ZNF513: variants seen among roughly 807,000 people sequenced by gnomAD.
ZNF513 encodes the protein zinc finger protein 513.
A neutral mutation model predicts 39.7 loss-of-function variants in ZNF513; 16 were observed. The observed-to-expected ratio is 0.40, with a 90% CI of 0.27 to 0.61. ZNF513 has a LOEUF of 0.61. Among genes scored for constraint, ZNF513 ranks in the 20% least tolerant of loss-of-function variants. The probability of loss-of-function intolerance (pLI) is 0.39; values close to 1 mark genes in which losing one functional copy is unlikely to be tolerated. For missense variants in ZNF513, 699 were observed against 743.6 expected, an observed-to-expected ratio of 0.94 and a Z score of 0.70; for synonymous variants, 348 against 296.5, an observed-to-expected ratio of 1.17 and a Z score of -1.79.
In ZNF513 at chr2:27,378,630, G is replaced by C. The variant is rs773365630; in HGVS notation, c.636C>G (p.Pro212=). ...GGTTGCCCAGGCTGCTGCAGGCAAA[G>C]GGGCAGTGGGGACAGCGGTAGGGCT... is the stretch of plus-strand genomic sequence containing the variant. The part of the protein sequence containing the change: ...GEKPYRCPHC[P]FACSSLGNLR... Residue 212 remains proline (P), a synonymous_variant, in exon 3 of 4, where the codon CCC becomes CCG. Coordinates refer to ENST00000323703, the MANE Select transcript of ZNF513 (RefSeq NM_144631.6). This position sits in a 1 kb window ranked among gnomAD's most constrained non-coding sequence, Gnocchi z 8.0. The C allele has an allele frequency of 1.2e-6, 2 of 1,613,870 alleles. No homozygotes were observed. The highest frequency in any genetic ancestry group is 1.7e-5 in the Admixed American group (1 of 60,016).
rs563171952 is a variant in ZNF513 at position 27,380,574 on chromosome 2, C to T, written c.-48G>A. On this transcript the variant is annotated 5_prime_UTR_variant, in exon 1 of 4. Transcript: ENST00000323703. ...CGCCTCCGGCCTGCGGCCGCCCGAC[C>T]CCGCCCCTCCTATCTCGGCCCGCCT... The T allele has an allele frequency of 6.5e-7, 1 of 1,538,744 alleles. No individual in the cohort carries two copies. Among genetic ancestry groups the T allele is most frequent in the Admixed American group, 2.0e-5 (1 of 51,004 alleles).
chr2:27,377,364 C>G lies in ZNF513; in HGVS notation c.*181G>C. The stretch of plus-strand genomic sequence containing the variant: ...GGAGGTGAATACAGGGCCCTTCTCA[C>G]TGAGCTCGTGAAGTGCCTCAGTCAA... On this transcript the variant is annotated 3_prime_UTR_variant, in exon 4 of 4. Transcript: ENST00000323703. The surrounding 1 kb of genome is among the most constrained non-coding windows in gnomAD (Gnocchi z 4.4). The G allele has an allele frequency of 4.1e-6, 3 of 733,668 alleles. No homozygotes were observed. Among genetic ancestry groups the G allele is most frequent in the Non-Finnish European group, 7.2e-6 (3 of 413,878 alleles). The allele number at this position is 733,668 out of a possible 1,614,324, so 45.4% of individuals were successfully genotyped here.
chr2:27,378,727 C>T lies in ZNF513; in HGVS notation c.539G>A (p.Cys180Tyr). ...QTHSGEKPFR[C>Y]GRCPYASAQL... ...GGCTGAGGCGTAGGGGCAGCGGCCA[C>T]AGCGGAACGGCTTCTCTCCGCTGTG... Residue 180 changes from cysteine (C) to tyrosine (Y), a missense_variant, in exon 3 of 4, where the codon TGT (cysteine) becomes TAT (tyrosine). Physicochemically the swap from Cys to Tyr is radical, Grantham distance 194 (BLOSUM62 -2). Coordinates refer to ENST00000323703, the MANE Select transcript of ZNF513 (RefSeq NM_144631.6). This position sits in a 1 kb window ranked among gnomAD's most constrained non-coding sequence, Gnocchi z 8.0. 1 of 1,613,990 alleles carries T rather than the reference C, an allele frequency of 6.2e-7. No homozygotes were observed. The highest frequency in any genetic ancestry group is 8.5e-7 in the Non-Finnish European group (1 of 1,179,966).
At position 27,377,972 on chromosome 2, in the gene ZNF513, A is replaced by G; in HGVS notation, c.1199T>C (p.Leu400Pro). Residue 400 changes from leucine (L) to proline (P), a missense_variant, in exon 4 of 4, where the codon CTG (leucine) becomes CCG (proline). Physicochemically the swap from Leu to Pro is moderately conservative, Grantham distance 98 (BLOSUM62 -3). Transcript: ENST00000323703. The surrounding 1 kb of genome is among the most constrained non-coding windows in gnomAD (Gnocchi z 4.4). ...GCGCTGGTGCCGTTTCAGGTTATCC[A>G]GATGAGCAGAGGCATAAGGACAGCG... ...CARCPYASAH[L>P]DNLKRHQRVH... is the part of the protein sequence containing the mutation. The G allele has an allele frequency of 6.2e-7, 1 of 1,613,210 alleles. No homozygotes were observed. Among genetic ancestry groups the G allele is most frequent in the Non-Finnish European group, 8.5e-7 (1 of 1,179,576 alleles).
At position 27,380,240 on chromosome 2, in the gene ZNF513, C is replaced by T. The variant is rs1472241608; in HGVS notation, c.64G>A (p.Glu22Lys). The change falls in exon 2 of 4, where the codon GAA (glutamate) becomes AAA (lysine). Residue 22 changes from glutamate (E) to lysine (K), a missense_variant. Physicochemically the swap from Glu to Lys is moderately conservative, Grantham distance 56. This residue lies in a region of ZNF513 where 530 missense variants were observed against 499.3 expected (regional missense o/e 1.06). Transcript: ENST00000323703. ...CCGGGTCCTTCGTCGAGGGAGTCTT[C>T]AGTATCCACTGAAGAGGGGAGGGGG... ...VKCEGVKVDT[E>K]DSLDEGPGAL... 3 of 1,613,944 alleles carry T rather than the reference C, an allele frequency of 1.9e-6. No homozygotes were observed. Among genetic ancestry groups the T allele is most frequent in the Non-Finnish European group, 8.5e-7 (1 of 1,179,962 alleles).
chr2:27,378,868 C>T lies in ZNF513; in HGVS notation c.398G>A (p.Cys133Tyr). 6.2e-6 allele frequency: 10 copies of T among 1,604,058 alleles called. No individual in the cohort carries two copies. The highest frequency in any genetic ancestry group is 8.5e-6 in the Non-Finnish European group (10 of 1,175,354). ...CGGPTGEGPC[C>Y]GAGGPGGGPL... is the part of the protein sequence containing the mutation. ...CCCCCCACCCGGCCCTCCTGCCCCA[C>T]AACACGGCCCCTCACCTGTCGGCCC... Residue 133 changes from cysteine to tyrosine, a missense_variant, in exon 3 of 4, where the codon TGT becomes TAT. Cys to Tyr is a radical substitution (Grantham distance 194). Around this residue, in one of 3 missense-constraint regions of ZNF513, gnomAD observed 530 missense variants for 499.3 expected, o/e 1.06. Coordinates refer to ENST00000323703, the MANE Select transcript of ZNF513 (RefSeq NM_144631.6). This position sits in a 1 kb window ranked among gnomAD's most constrained non-coding sequence, Gnocchi z 8.0.
At chr2:27,379,159 G>A (rs1261143627) in intron 2 of ZNF513, 105 bp from the exon 3 acceptor site, 1 of 1,101,338 alleles carries the variant, frequency 9.1e-7, no homozygotes. Flanking sequence ...TCCACCCTTA[G>A]CTTTGATGAT....
intron 2 of ZNF513, 78 bp from the exon 3 acceptor site, chr2:27,379,132 C>G (rs1158791421): frequency 2.1e-6 from 3 of 1,418,082 alleles, no homozygotes; most frequent in South Asian, 1.2e-5. Flanking sequence ...CACTTATGGT[C>G]TCCCCACTTG....
intron 2 of ZNF513, 31 bp downstream of exon 2, chr2:27,380,062 G>T: frequency 1.9e-6 from 3 of 1,613,712 alleles, no homozygotes; most frequent in Non-Finnish European, 2.5e-6. Context: ...TCCAGCGGCC[G>T]CTAATCCTTA....
chr2:27,377,862 T>C lies in ZNF513; in HGVS notation c.1309A>G (p.Ile437Val). The C allele has an allele frequency of 3.1e-6, 5 of 1,614,178 alleles. No individual in the cohort carries two copies. Among genetic ancestry groups the C allele is most frequent in the Non-Finnish European group, 4.2e-6 (5 of 1,180,042 alleles). ...CGAAAAGGTTTGTCACCAGAGTGGA[T>C]GCGACCATGACGCTTGAGGTTGGCC... ...NLANLKRHGR[I>V]HSGDKPFRCS... The change falls in exon 4 of 4, where the codon ATC (isoleucine) becomes GTC (valine). Residue 437 changes from isoleucine (I) to valine (V), a missense_variant. Coordinates refer to ENST00000323703, the MANE Select transcript of ZNF513 (RefSeq NM_144631.6). The surrounding 1 kb of genome is among the most constrained non-coding windows in gnomAD (Gnocchi z 4.4).
At position 27,380,162 on chromosome 2, in the gene ZNF513, C is replaced by T; in HGVS notation, c.142G>A (p.Glu48Lys). 1 of 1,614,112 alleles carries T rather than the reference C, an allele frequency of 6.2e-7. No individual in the cohort carries two copies. Among genetic ancestry groups the T allele is most frequent in the Non-Finnish European group, 8.5e-7 (1 of 1,180,014 alleles). Residue 48 changes from glutamate (E) to lysine (K), a missense_variant, in exon 2 of 4, where the codon GAG (glutamate) becomes AAG (lysine). Glu to Lys is a moderately conservative substitution (Grantham distance 56). Transcript: ENST00000323703. Reference sequence around the variant, plus strand: ...TCGCCTTCCTCCTCTTCCTCTTCCTCCTCAAACTCCAGATCCTGGCCTAGT... The same window carrying T: ...TCGCCTTCCTCCTCTTCCTCTTCCTTCTCAAACTCCAGATCCTGGCCTAGT... ...LLLGQDLEFEEEEEEEEGDGN... is the reference protein window; with the variant it reads ...LLLGQDLEFEKEEEEEEGDGN...
chr2:27,377,515 T>C lies in ZNF513; in HGVS notation c.*30A>G, dbSNP rs994821604. 11 of 1,611,868 alleles carry C rather than the reference T, an allele frequency of 6.8e-6. No individual in the cohort carries two copies. In the Admixed American group the frequency reaches 1.3e-4, roughly 20 times the overall value. The stretch of plus-strand genomic sequence containing the variant: ...AGAAAAAGGTGGCTTCTGGTCCGTC[T>C]GTATAAAACATGGGGAAGAAGGACC... On this transcript the variant is annotated 3_prime_UTR_variant, in exon 4 of 4. Transcript: ENST00000323703. The surrounding 1 kb of genome is among the most constrained non-coding windows in gnomAD (Gnocchi z 4.4).
chr2:27,379,060 G>A lies in ZNF513; in HGVS notation c.212-6C>T, dbSNP rs770201807. 67 of 1,612,054 alleles carry A rather than the reference G, an allele frequency of 4.2e-5. No homozygotes were observed. The highest frequency in any genetic ancestry group is 5.2e-5 in the Non-Finnish European group (61 of 1,179,556). On this transcript the variant is annotated splice_region_variant and splice_polypyrimidine_tract_variant and intron_variant, in intron 2 of 3. Coordinates refer to ENST00000323703, the MANE Select transcript of ZNF513 (RefSeq NM_144631.6). ...CCTGGCCCCCAGAGAGTCTCCTGGTGAAATAGACATAAGAAGAGACATCAG... is the reference window on the plus strand; with the variant it reads ...CCTGGCCCCCAGAGAGTCTCCTGGTAAAATAGACATAAGAAGAGACATCAG...
At position 27,377,902 on chromosome 2, in the gene ZNF513, A is replaced by G. The variant is rs748695582; in HGVS notation, c.1269T>C (p.Tyr423=). The G allele has an allele frequency of 1.4e-5, 22 of 1,614,086 alleles. No individual in the cohort carries two copies. The highest frequency in any genetic ancestry group is 1.8e-5 in the Non-Finnish European group (21 of 1,180,048). Residue 423 remains tyrosine (Y), a synonymous_variant, in exon 4 of 4, where the codon TAT becomes TAC. Transcript: ENST00000323703. The surrounding 1 kb of genome is among the most constrained non-coding windows in gnomAD (Gnocchi z 4.4). ...EKPYKCPLCP[Y]ACGNLANLKR... is the part of the protein sequence containing the mutation. ...TGAGGTTGGCCAGATTGCCACAGGC[A>G]TAAGGGCAGAGGGGGCACTTGTAGG...
rs1683432363 is a variant in ZNF513, at chr2:27,378,151, C to T, written c.1020G>A (p.Met340Ile). ...RLGAAMCGRC[M>I]RGEAGGGASG... ...TGGCACCCCCTCCAGCCTCTCCTCG[C>T]ATGCAGCGCCCACACATGGCAGCTC... The change falls in exon 4 of 4, where the codon ATG becomes ATA. Residue 340 changes from methionine to isoleucine, a missense_variant. Physicochemically the swap from Met to Ile is conservative, Grantham distance 10. Coordinates refer to ENST00000323703, the MANE Select transcript of ZNF513 (RefSeq NM_144631.6). The surrounding 1 kb of genome is among the most constrained non-coding windows in gnomAD (Gnocchi z 8.0). 6.2e-7 allele frequency: 1 copy of T among 1,613,646 alleles called. No individual in the cohort carries two copies. The highest frequency in any genetic ancestry group is 8.5e-7 in the Non-Finnish European group (1 of 1,179,954).
chr2:27,379,115 C>A, intron 2 of ZNF513, 61 bp from the exon 3 acceptor site: 1 of 1,532,420 alleles, frequency 6.5e-7, no homozygotes, highest in Non-Finnish European at 9.0e-7. Context: ...CCAAACTCTC[C>A]CCTTTTCACT....
At chr2:27,379,711 T>C (rs556354245) in intron 2 of ZNF513, among the ~76,000 whole-genome samples, 10 of 152,332 alleles carry the variant, frequency 6.6e-5, no homozygotes, top group African/African-American at 2.4e-4. Flanking sequence ...GAGCTTACGC[T>C]GCAGGTGAAA....
intron 1 of ZNF513, 82 bp downstream of exon 1, chr2:27,380,390 G>C: frequency 6.3e-7 from 1 of 1,580,490 alleles, no homozygotes; most frequent in South Asian, 1.1e-5. Context: ...TCATCCCTCA[G>C]GAGTCCCCCT....
chr2:27,379,126 T>TA (rs1405360524), intron 2 of ZNF513, 72 bp from the exon 3 acceptor site: 31 of 1,463,272 alleles, frequency 2.1e-5, no homozygotes, highest in Non-Finnish European at 2.9e-5. Context: ...CCTTTTCACT[T>TA]ATGGTCTCCC....
Sources: allele counts gnomAD v4.1 joint callset (sites outside exome capture counted in the v4.1 genomes callset), GRCh38; gene constraint gnomAD v4.1.1; regional missense constraint gnomAD v4.1.1; non-coding constraint Gnocchi (gnomAD v3.1); transcripts MANE v1.5; gene names NCBI Gene and HGNC (gene_info 2026-07-23, HGNC 2026-07-21).